MTSS1: variants seen among roughly 807,000 people sequenced by gnomAD.
The protein encoded by MTSS1 is protein MTSS 1.
A neutral mutation model predicts 79.0 loss-of-function variants in MTSS1; 18 were observed. The observed-to-expected ratio is 0.23, with a 90% CI of 0.16 to 0.34. The LOEUF (loss-of-function observed/expected upper bound fraction) is 0.34. Among genes scored for constraint, MTSS1 ranks in the 10% least tolerant of loss-of-function variants. The pLI, the probability that MTSS1 is intolerant of heterozygous loss-of-function variation, is 1.00. For synonymous variants in MTSS1, 341 were observed against 368.6 expected (o/e 0.93, Z 0.86); for missense variants, 815 against 986.2 (o/e 0.83, Z 2.33).
At chr8:124,721,983 G>A (rs1172283381) in intron 1 of MTSS1, among the ~76,000 whole-genome samples, 1 of 152,204 alleles carries the variant, frequency 6.6e-6, no homozygotes, top group African/African-American at 2.4e-5. Context: ...GTAGGCAGCA[G>A]AGGGGACCCA....
intron 6 of MTSS1, among the ~76,000 whole-genome samples, chr8:124,570,492 G>A (rs183219679): frequency 1.1e-4 from 17 of 152,180 alleles, no homozygotes; most frequent in Admixed American, 5.2e-4. Flanking sequence ...TGTTATAATT[G>A]TTCTATTATT....
At chr8:124,672,402 G>A (rs1824392391) in intron 3 of MTSS1, among the ~76,000 whole-genome samples, 4 of 152,016 alleles carry the variant, frequency 2.6e-5, no homozygotes, top group Non-Finnish European at 2.9e-5. Context: ...GCTGAAGCAG[G>A]AGAATCGCTT....
At chr8:124,660,427 CGCAT>C (rs912895006) in intron 3 of MTSS1, among the ~76,000 whole-genome samples, 13 of 121,530 alleles carry the variant, frequency 1.1e-4, no homozygotes, top group South Asian at 3.1e-4. Context: ...GTTGCCCATG[CGCAT>C]GCACACACAC....
rs143179198 is a variant in MTSS1 at position 124,600,421 on chromosome 8, C to T, written c.209-9186G>A. On this transcript the variant is annotated intron_variant, in intron 3 of 13. Transcript: ENST00000518547. ...TTTACAGGTTTATAAGCGCACACAG[C>T]GGATGCTGGTGAAGCCTACAACCCA... 1.2e-4 allele frequency among the ~76,000 whole-genome samples: 18 copies of T among 152,332 alleles called. No homozygotes were observed. In the East Asian group the frequency reaches 2.1e-3, roughly 18 times the overall value.
At chr8:124,579,404 T>G (rs1195000733) in intron 6 of MTSS1, among the ~76,000 whole-genome samples, 2 of 152,194 alleles carry the variant, frequency 1.3e-5, no homozygotes, top group Non-Finnish European at 2.9e-5. Context: ...GAGGTGTCTT[T>G]CGGGGATAAT....
intron 3 of MTSS1, among the ~76,000 whole-genome samples, chr8:124,623,776 A>T (rs186055013): frequency 6.6e-6 from 1 of 152,230 alleles, no homozygotes; most frequent in East Asian, 1.9e-4. Context: ...GGTACCCGGG[A>T]CTACAGGCCC....
intron 3 of MTSS1, among the ~76,000 whole-genome samples, chr8:124,620,607 T>C (rs1356277755): frequency 1.3e-5 from 2 of 152,112 alleles, no homozygotes; most frequent in Admixed American, 6.5e-5. Context: ...CATCAAATGG[T>C]ACAAGCAGCA....
chr8:124,689,882 T>A (rs1487548563), intron 3 of MTSS1, among the ~76,000 whole-genome samples: 5 of 152,050 alleles, frequency 3.3e-5, no homozygotes, highest in Admixed American at 3.3e-4. Context: ...GGTGGGGTAT[T>A]AGTTATTAAG....
intron 1 of MTSS1, among the ~76,000 whole-genome samples, chr8:124,717,289 C>T (rs1315014577): frequency 4.0e-5 from 6 of 151,632 alleles, no homozygotes; most frequent in Admixed American, 3.3e-4. Flanking sequence ...ATTAGGAGTT[C>T]GAGACCAGCC....
intron 6 of MTSS1, among the ~76,000 whole-genome samples, chr8:124,577,795 GGA>G (rs1465243992): frequency 6.6e-6 from 1 of 152,156 alleles, no homozygotes; most frequent in African/African-American, 2.4e-5. Flanking sequence ...CCTGTGGGAA[GGA>G]GAGCTCCTAG....
chr8:124,569,279 G>A (rs929531268), intron 6 of MTSS1, among the ~76,000 whole-genome samples: 10 of 152,334 alleles, frequency 6.6e-5, no homozygotes, highest in Admixed American at 4.6e-4. Flanking sequence ...AAGACAGGGT[G>A]TTAGTCTTTT....
intron 3 of MTSS1, among the ~76,000 whole-genome samples, chr8:124,604,014 C>T (rs1273891950): frequency 6.6e-6 from 1 of 152,104 alleles, no homozygotes. Flanking sequence ...GAGTTCAAGA[C>T]CAGCCTGGCC....
intron 13 of MTSS1, among the ~76,000 whole-genome samples, chr8:124,554,615 A>C (rs1162022925): frequency 1.3e-5 from 2 of 152,190 alleles, no homozygotes; most frequent in Non-Finnish European, 1.5e-5. Context: ...TGAAGGAGGC[A>C]GGTTTGATAG....
chr8:124,722,177 C>T (rs2135822325), intron 1 of MTSS1, among the ~76,000 whole-genome samples: 1 of 152,224 alleles, frequency 6.6e-6, no homozygotes, highest in South Asian at 2.1e-4. Flanking sequence ...AACTTAGAAC[C>T]TATGACCAAG....
At chr8:124,640,020 A>T (rs2133971331) in intron 3 of MTSS1, among the ~76,000 whole-genome samples, 1 of 152,338 alleles carries the variant, frequency 6.6e-6, no homozygotes, top group East Asian at 1.9e-4. Flanking sequence ...AGGTGCTTTC[A>T]TCCAGACTAT....
At chr8:124,694,190 C>T (rs1038284324) in intron 3 of MTSS1, among the ~76,000 whole-genome samples, 2 of 152,032 alleles carry the variant, frequency 1.3e-5, no homozygotes, top group South Asian at 2.1e-4. Flanking sequence ...AGCCTGTGCC[C>T]TTACACATCA....
At chr8:124,684,603 A>C (rs1201859255) in intron 3 of MTSS1, among the ~76,000 whole-genome samples, 2 of 152,202 alleles carry the variant, frequency 1.3e-5, no homozygotes, top group Non-Finnish European at 2.9e-5. Flanking sequence ...GACCTGCTAC[A>C]TGTATTTGAG....
intron 9 of MTSS1, among the ~76,000 whole-genome samples, chr8:124,565,113 C>G (rs1357564237): frequency 2.0e-5 from 3 of 152,192 alleles, no homozygotes; most frequent in Non-Finnish European, 1.5e-5. Context: ...CAGAACTATT[C>G]CAACAGATTT....
chr8:124,666,287 T>G (rs1823055650), intron 3 of MTSS1, among the ~76,000 whole-genome samples: 1 of 152,220 alleles, frequency 6.6e-6, no homozygotes, highest in African/African-American at 2.4e-5. Context: ...GTATAACACA[T>G]GCAAGGCACT....
Sources: allele counts gnomAD v4.1 joint callset (sites outside exome capture counted in the v4.1 genomes callset), GRCh38; gene constraint gnomAD v4.1.1; transcripts MANE v1.5; gene names NCBI Gene and HGNC (gene_info 2026-07-23, HGNC 2026-07-21).